TMCC1: variants seen among roughly 807,000 people sequenced by gnomAD.
TMCC1 encodes transmembrane and coiled-coil domains protein 1.
Under a neutral mutation model 52.4 loss-of-function variants are expected in TMCC1, and 15 were observed. That is an observed-to-expected ratio of 0.29 (90% CI 0.19 to 0.44). The LOEUF (loss-of-function observed/expected upper bound fraction) is 0.44. Ranked by LOEUF, TMCC1 falls within the 20% of genes least tolerant of loss-of-function variation. TMCC1 has a pLI of 1.00. For missense variants in TMCC1, 503 were observed against 806.0 expected (o/e 0.62, Z 4.55); for synonymous variants, 279 against 301.9 (o/e 0.92, Z 0.79).
intron 5 of TMCC1, among the ~76,000 whole-genome samples, chr3:129,656,225 A>C (rs2108849434): frequency 6.6e-6 from 1 of 152,368 alleles, no homozygotes; most frequent in East Asian, 1.9e-4. Context: ...AAGACTCCAC[A>C]TTTAAAAAAC....
intron 1 of TMCC1, among the ~76,000 whole-genome samples, chr3:129,885,294 G>C (rs906136197): frequency 2.0e-5 from 3 of 152,100 alleles, no homozygotes; most frequent in Non-Finnish European, 4.4e-5. Flanking sequence ...AAATGAATTT[G>C]TCAAAGCAAA....
intron 4 of TMCC1, among the ~76,000 whole-genome samples, chr3:129,791,250 C>A (rs369334541): frequency 6.6e-6 from 1 of 151,962 alleles, no homozygotes; most frequent in African/African-American, 2.4e-5. Flanking sequence ...CCCGCCACCA[C>A]GTCCGGCTAA....
At chr3:129,836,779 G>C (rs142325137) in intron 2 of TMCC1, among the ~76,000 whole-genome samples, 18 of 152,296 alleles carry the variant, frequency 1.2e-4, no homozygotes, top group African/African-American at 4.1e-4. Context: ...TGAAGTCCTC[G>C]AGGGCTGCAA....
intron 4 of TMCC1, among the ~76,000 whole-genome samples, chr3:129,764,725 C>A (rs2053928274): frequency 8.1e-6 from 1 of 123,992 alleles, no homozygotes; most frequent in African/African-American, 2.9e-5. Context: ...AAGCTACATC[C>A]TATAATATTG....
chr3:129,880,228 T>C (rs1194169429), intron 2 of TMCC1, 81 bp downstream of exon 2: 1 of 152,088 alleles, frequency 6.6e-6, no homozygotes, highest in African/African-American at 2.4e-5. Context: ...AACTGAGTTA[T>C]AGAGAGGAAA....
In TMCC1 at chr3:129,784,565, C is replaced by CA. The variant is rs1197513016; in HGVS notation, c.576+43237dup. On this transcript the variant is annotated intron_variant, in intron 4 of 6. Coordinates refer to ENST00000393238, the MANE Select transcript of TMCC1 (RefSeq NM_001017395.5). Reference sequence around the variant, plus strand: ...TGGGTGACAGAGCGAGACTCCGTCTCAAAAAAAAAAAAATTATAAAAATAT... The same window carrying CA: ...TGGGTGACAGAGCGAGACTCCGTCTCAAAAAAAAAAAAAATTATAAAAATAT... Among the ~76,000 whole-genome samples the CA allele has an allele frequency of 6.6e-3, 444 of 66,852 alleles. 1 individual carries two copies. The highest frequency in any genetic ancestry group is 0.029 in the Admixed American group (170 of 5,956). The allele number at this position is 66,852 out of a possible 152,430, so 43.9% of individuals were successfully genotyped here.
At chr3:129,710,964 A>G (rs901216974) in intron 4 of TMCC1, among the ~76,000 whole-genome samples, 4 of 152,160 alleles carry the variant, frequency 2.6e-5, no homozygotes, top group African/African-American at 9.7e-5. Context: ...TCCCAGTTCA[A>G]GCGATTCTCC....
chr3:129,722,529 T>C (rs2049705430), intron 4 of TMCC1, among the ~76,000 whole-genome samples: 1 of 152,218 alleles, frequency 6.6e-6, no homozygotes, highest in Non-Finnish European at 1.5e-5. Context: ...GTTTTGATCA[T>C]ACTGTCTCTA....
At chr3:129,779,010 C>CT (rs1176170316) in intron 4 of TMCC1, among the ~76,000 whole-genome samples, 4 of 151,740 alleles carry the variant, frequency 2.6e-5, no homozygotes, top group Non-Finnish European at 5.9e-5. Flanking sequence ...TTTTGTGGAT[C>CT]TTTTTTTCTT....
At chr3:129,842,387 A>C (rs2059457150) in intron 2 of TMCC1, among the ~76,000 whole-genome samples, 1 of 152,098 alleles carries the variant, frequency 6.6e-6, no homozygotes, top group African/African-American at 2.4e-5. Context: ...AATCACTGCA[A>C]CTTGGGAGGT....
intron 4 of TMCC1, among the ~76,000 whole-genome samples, chr3:129,736,189 G>A (rs1192114098): frequency 6.6e-6 from 1 of 152,152 alleles, no homozygotes; most frequent in Non-Finnish European, 1.5e-5. Context: ...GGATTGTGAG[G>A]AGGATGAGCA....
At chr3:129,681,449 G>A (rs1180232023) in intron 4 of TMCC1, among the ~76,000 whole-genome samples, 1 of 146,484 alleles carries the variant, frequency 6.8e-6, no homozygotes, top group African/African-American at 2.5e-5. Context: ...AGTAGTCAAC[G>A]TTTTTTTTTT....
intron 5 of TMCC1, among the ~76,000 whole-genome samples, chr3:129,666,698 C>CCACT (rs1243202431): frequency 2.6e-5 from 4 of 151,982 alleles, no homozygotes; most frequent in Admixed American, 2.0e-4. Flanking sequence ...CAAGATCGCA[C>CCACT]CACTGCACTC....
intron 4 of TMCC1, among the ~76,000 whole-genome samples, chr3:129,747,582 T>C (rs1232824849): frequency 6.6e-6 from 1 of 152,200 alleles, no homozygotes; most frequent in Admixed American, 6.5e-5. Flanking sequence ...ATGAGAAACC[T>C]GCTCTCATCA....
At chr3:129,681,344 TTTAGGG>T (rs1477602933) in intron 4 of TMCC1, among the ~76,000 whole-genome samples, 11 of 152,158 alleles carry the variant, frequency 7.2e-5, no homozygotes, top group Admixed American at 7.2e-4. Context: ...TTGGTCAATA[TTTAGGG>T]AAAGTATAGG....
At chr3:129,818,778 T>C (rs2058260286) in intron 4 of TMCC1, among the ~76,000 whole-genome samples, 1 of 152,218 alleles carries the variant, frequency 6.6e-6, no homozygotes, top group Non-Finnish European at 1.5e-5. Flanking sequence ...CAATTCTTAA[T>C]TATTCTGAAG....
intron 5 of TMCC1, among the ~76,000 whole-genome samples, chr3:129,662,352 T>C (rs543334136): frequency 2.0e-5 from 3 of 152,308 alleles, no homozygotes; most frequent in African/African-American, 7.2e-5. Context: ...TTAGGCTGTA[T>C]GGTACAGTCA....
chr3:129,825,927 T>TA (rs1257625210), intron 4 of TMCC1, among the ~76,000 whole-genome samples: 1 of 152,216 alleles, frequency 6.6e-6, no homozygotes, highest in Non-Finnish European at 1.5e-5. Context: ...GATTTTACTG[T>TA]AAGCATATGC....
chr3:129,719,092 T>C (rs919108063), intron 4 of TMCC1, among the ~76,000 whole-genome samples: 1 of 152,306 alleles, frequency 6.6e-6, no homozygotes, highest in Admixed American at 6.5e-5. Flanking sequence ...GGTTGGCAGC[T>C]TCAGGGTGAG....
Sources: allele counts gnomAD v4.1 joint callset (sites outside exome capture counted in the v4.1 genomes callset), GRCh38; gene constraint gnomAD v4.1.1; transcripts MANE v1.5; gene names NCBI Gene and HGNC (gene_info 2026-07-23, HGNC 2026-07-21).